Variants in SVIL observed in about 807,000 individuals in gnomAD.
SVIL encodes archvillin.
SVIL carries 101 observed loss-of-function variants against 240.4 expected under a neutral mutation model. The observed-to-expected ratio is 0.42, with a 90% CI of 0.36 to 0.50. The LOEUF (loss-of-function observed/expected upper bound fraction) is 0.50. Ranked by LOEUF, SVIL falls within the 20% of genes least tolerant of loss-of-function variation. The pLI is 0.01. For missense variants in SVIL, 2,512 were observed against 2,818.7 expected (o/e 0.89, Z 2.46); for synonymous variants, 999 against 1,100.0 (o/e 0.91, Z 1.82).
At chr10:29,588,793 A>G (rs952208872) in intron 1 of SVIL, among the ~76,000 whole-genome samples, 11 of 152,276 alleles carry the variant, frequency 7.2e-5, no homozygotes, top group African/African-American at 2.6e-4. Context: ...TTACTGTGCA[A>G]GAGATAAATG....
At chr10:29,508,366 A>C in intron 17 of SVIL, 1 of 1,289,284 alleles carries the variant, frequency 7.8e-7, no homozygotes, top group Non-Finnish European at 1.0e-6. Flanking sequence ...AAATGGCACT[A>C]TCATCCGCAA....
intron 3 of SVIL, among the ~76,000 whole-genome samples, chr10:29,648,979 A>C (rs942406727): frequency 4.6e-5 from 7 of 152,184 alleles, no homozygotes; most frequent in African/African-American, 2.4e-5. Flanking sequence ...TCTACACACA[A>C]AAAAAACAAA....
chr10:29,605,774 G>C (rs1956998325), intron 1 of SVIL, among the ~76,000 whole-genome samples: 1 of 149,656 alleles, frequency 6.7e-6, no homozygotes, highest in Admixed American at 6.7e-5. Context: ...GTATATGTGT[G>C]TGTTTGTGTA....
At chr10:29,576,387 T>C (rs904285309) in intron 1 of SVIL, among the ~76,000 whole-genome samples, 1 of 152,188 alleles carries the variant, frequency 6.6e-6, no homozygotes, top group Non-Finnish European at 1.5e-5. Context: ...ATTCATTTGG[T>C]CTACATATAG....
intron 34 of SVIL, among the ~76,000 whole-genome samples, chr10:29,464,475 G>A (rs61839348): frequency 0.055 from 8,385 of 152,070 alleles, 315 homozygotes; most frequent in South Asian, 0.094. Context: ...AATCAAAACT[G>A]TTCTACTGCC....
At chr10:29,610,760 C>T (rs1443134766) in intron 1 of SVIL, among the ~76,000 whole-genome samples, 1 of 152,122 alleles carries the variant, frequency 6.6e-6, no homozygotes, top group African/African-American at 2.4e-5. Flanking sequence ...GCCCACCAAC[C>T]TCCATCTTTT....
chr10:29,527,186 T>C (rs1003335329), intron 12 of SVIL, 130 bp from the exon 13 acceptor site: 17 of 887,924 alleles, frequency 1.9e-5, no homozygotes, highest in Admixed American at 2.7e-5. Flanking sequence ...CTAATTATTT[T>C]TGGGGAGAAA....
intron 1 of SVIL, among the ~76,000 whole-genome samples, chr10:29,607,789 AGCTCAAG>A (rs1296020956): frequency 6.6e-6 from 1 of 152,220 alleles, no homozygotes; most frequent in Non-Finnish European, 1.5e-5. Context: ...AGGTCAAGGC[AGCTCAAG>A]GCTTCCCATC....
chr10:29,486,307 C>A, intron 25 of SVIL, 77 bp from the exon 26 acceptor site: 1 of 1,591,094 alleles, frequency 6.3e-7, no homozygotes, highest in Non-Finnish European at 8.6e-7. Context: ...GAATGAATTT[C>A]ACATTGTAAA....
chr10:29,604,641 T>C (rs1200038348), intron 1 of SVIL, among the ~76,000 whole-genome samples: 1 of 152,070 alleles, frequency 6.6e-6, no homozygotes, highest in Non-Finnish European at 1.5e-5. Context: ...CATACGTCAC[T>C]GCAGCCTCGA....
At chr10:29,483,751 A>T (rs2132367336) in intron 27 of SVIL, 1 of 152,360 alleles carries the variant, frequency 6.6e-6, no homozygotes, top group African/African-American at 2.4e-5. Context: ...CTTAACAAGG[A>T]CTTTAAAACT....
intron 1 of SVIL, among the ~76,000 whole-genome samples, chr10:29,711,547 G>A (rs1357332051): frequency 6.6e-6 from 1 of 151,680 alleles, no homozygotes; most frequent in Non-Finnish European, 1.5e-5. Flanking sequence ...GATCACCTGA[G>A]GTCAGGGGTT....
intron 2 of SVIL, among the ~76,000 whole-genome samples, chr10:29,672,081 A>G (rs1959823865): frequency 6.6e-6 from 1 of 152,198 alleles, no homozygotes; most frequent in Non-Finnish European, 1.5e-5. Context: ...ATATCTCCAA[A>G]CAAAATGGTA....
intron 1 of SVIL, among the ~76,000 whole-genome samples, chr10:29,582,305 C>G (rs2132766851): frequency 6.6e-6 from 1 of 152,334 alleles, no homozygotes; most frequent in South Asian, 2.1e-4. Context: ...ATGCTGAGCA[C>G]CTGGAGAACA....
intron 6 of SVIL, among the ~76,000 whole-genome samples, chr10:29,539,892 T>C (rs899456648): frequency 1.3e-5 from 2 of 152,126 alleles, no homozygotes; most frequent in African/African-American, 4.8e-5. Context: ...GGCCAAAAAA[T>C]TGAGACTCGC....
chr10:29,601,648 G>A (rs929355596), intron 1 of SVIL, among the ~76,000 whole-genome samples: 1 of 152,230 alleles, frequency 6.6e-6, no homozygotes, highest in Non-Finnish European at 1.5e-5. Flanking sequence ...TGGAGAGTAA[G>A]AGCCTGGGCT....
intron 3 of SVIL, among the ~76,000 whole-genome samples, chr10:29,558,947 A>ATT (rs543943520): frequency 1.4e-5 from 2 of 144,854 alleles, no homozygotes; most frequent in Non-Finnish European, 3.0e-5. Context: ...ATATATATAT[A>ATT]AAAAATATGG....
At chr10:29,595,065 T>C (rs1416725494) in intron 1 of SVIL, among the ~76,000 whole-genome samples, 1 of 152,212 alleles carries the variant, frequency 6.6e-6, no homozygotes, top group African/African-American at 2.4e-5. Context: ...TTCACCACTC[T>C]ACATCTGCAA....
intron 1 of SVIL, among the ~76,000 whole-genome samples, chr10:29,594,126 CA>C (rs1956490968): frequency 6.6e-6 from 1 of 151,990 alleles, no homozygotes; most frequent in African/African-American, 2.4e-5. Context: ...GTTTCATACA[CA>C]AAACTATTTA....
Sources: gnomAD v4.1 joint callset for allele counts (sites outside exome capture counted in the v4.1 genomes callset) on GRCh38, gnomAD v4.1.1 for gene constraint, MANE v1.5 for transcripts, NCBI Gene and HGNC (gene_info 2026-07-23, HGNC 2026-07-21) for gene names.